Variants in PPHLN1 observed in about 807,000 individuals in gnomAD.
PPHLN1 encodes the protein periphilin-1.
In PPHLN1, 29 loss-of-function variants were observed where a neutral mutation model predicts 51.3. The observed-to-expected ratio is 0.57, with a 90% CI of 0.42 to 0.77. The LOEUF (loss-of-function observed/expected upper bound fraction) is 0.77, where lower values mean the gene tolerates loss of function less well. Among genes scored for constraint, PPHLN1 ranks in the 30% least tolerant of loss-of-function variants. The pLI is 0.00. For synonymous variants in PPHLN1, 147 were observed against 147.8 expected (o/e 0.99, Z 0.04); for missense variants, 436 against 438.4 (o/e 0.99, Z 0.05).
At position 42,367,071 on chromosome 12, in the gene PPHLN1, C is replaced by T. The variant is rs2075344237; in HGVS notation, c.300-7792C>T. On this transcript the variant is annotated intron_variant, in intron 4 of 9. Transcript: ENST00000358314. ...GCTTTTAATTCTTTCTCATTCTTCT[C>T]ATCACAATTAACTGTTGAACATAGT... Among the ~76,000 whole-genome samples the T allele has an allele frequency of 2.0e-5, 3 of 152,158 alleles. No individual in the cohort carries two copies. In the South Asian group the frequency reaches 6.2e-4, roughly 32 times the overall value.
chr12:42,359,980 C>T (rs1005382005), intron 4 of PPHLN1, among the ~76,000 whole-genome samples: 1 of 151,864 alleles, frequency 6.6e-6, no homozygotes, highest in African/African-American at 2.4e-5. Context: ...TGGTGGCAAA[C>T]ACCTGTAGTC....
At chr12:42,375,145 C>T (rs1380669262) in intron 5 of PPHLN1, 71 bp downstream of exon 5, 6 of 1,190,126 alleles carry the variant, frequency 5.0e-6, no homozygotes, top group Non-Finnish European at 7.1e-6. Flanking sequence ...GTCAGATTTC[C>T]TTCTAGGTGT....
rs1351410831 is a variant in PPHLN1 at position 42,348,301 on chromosome 12, T to TTTTTTTTA, written c.73-3584_73-3583insTTTTTTTA. On this transcript the variant is annotated intron_variant, in intron 2 of 9. Transcript: ENST00000358314. The stretch of plus-strand genomic sequence containing the variant: ...ATTTTTTTTTTTTTTTTTTTTTTTT[T>TTTTTTTTA]AGTAGAAACGGGGTTTCACCGTGTT... Among the ~76,000 whole-genome samples the TTTTTTTTA allele has an allele frequency of 2.8e-3, 368 of 131,366 alleles. 5 individuals carry two copies. Among genetic ancestry groups the TTTTTTTTA allele is most frequent in the African/African-American group, 3.9e-3 (137 of 35,240 alleles). 86.2% of individuals were successfully genotyped at this position (131,366 alleles called of 152,430 possible).
chr12:42,354,948 A>G (rs2073861970), intron 3 of PPHLN1, among the ~76,000 whole-genome samples: 1 of 151,708 alleles, frequency 6.6e-6, no homozygotes, highest in South Asian at 2.1e-4. Context: ...CAAAGAAATA[A>G]TTTAAGCATT....
intron 9 of PPHLN1, chr12:42,433,150 C>T: frequency 2.6e-6 from 2 of 772,544 alleles, no homozygotes; most frequent in East Asian, 4.9e-5. Flanking sequence ...GCAGTATATT[C>T]AATGACATAA....
intron 5 of PPHLN1, among the ~76,000 whole-genome samples, chr12:42,378,857 A>G (rs1054147547): frequency 2.0e-5 from 3 of 152,132 alleles, no homozygotes; most frequent in African/African-American, 7.2e-5. Flanking sequence ...ACTTGCAAGA[A>G]TATTCTTACT....
chr12:42,353,223 C>T (rs1415473481), intron 3 of PPHLN1, among the ~76,000 whole-genome samples: 2 of 152,124 alleles, frequency 1.3e-5, no homozygotes, highest in African/African-American at 2.4e-5. Flanking sequence ...GATGGAATTC[C>T]TCTGTCCTAC....
chr12:42,347,178 A>G (rs1292505520), intron 2 of PPHLN1: 1 of 152,214 alleles, frequency 6.6e-6, no homozygotes, highest in East Asian at 1.9e-4. Context: ...ATGCTTGCCT[A>G]GGTACAAGGC....
chr12:42,442,951 A>G (rs2083084018), downstream of PPHLN1: 1 of 674,888 alleles, frequency 1.5e-6, no homozygotes, highest in South Asian at 2.4e-5. Context: ...TCCCCAGAAG[A>G]AGGCACGCTG....
chr12:42,394,673 T>G (rs1366422971), intron 8 of PPHLN1, among the ~76,000 whole-genome samples: 1 of 152,088 alleles, frequency 6.6e-6, no homozygotes, highest in Non-Finnish European at 1.5e-5. Flanking sequence ...CAAGGTTTCC[T>G]CCTTATTGTA....
chr12:42,434,820 A>G (rs1400269194), intron 9 of PPHLN1, among the ~76,000 whole-genome samples: 1 of 152,162 alleles, frequency 6.6e-6, no homozygotes. Context: ...CACCCTCCCC[A>G]GTAGCTGGGA....
intron 2 of PPHLN1, among the ~76,000 whole-genome samples, chr12:42,337,087 A>G (rs1240921033): frequency 1.3e-5 from 2 of 152,006 alleles, no homozygotes; most frequent in South Asian, 2.1e-4. Context: ...GAATTTGTAG[A>G]CTTCATGTTT....
intron 5 of PPHLN1, 112 bp downstream of exon 5, chr12:42,375,186 GA>G: frequency 1.2e-6 from 1 of 867,102 alleles, no homozygotes; most frequent in East Asian, 2.8e-5. Flanking sequence ...TTTTTATTTT[GA>G]AAAATTTCAA....
At chr12:42,390,923 C>T (rs2077650629) in intron 7 of PPHLN1, among the ~76,000 whole-genome samples, 1 of 151,060 alleles carries the variant, frequency 6.6e-6, no homozygotes, top group African/African-American at 2.4e-5. Flanking sequence ...ACCTTGGCCT[C>T]CTAAAGTGCT....
Position 42,422,048 on chromosome 12 carries a change from T to C in PPHLN1, c.910-19267T>C, listed in dbSNP as rs557996134. On this transcript the variant is annotated intron_variant, in intron 9 of 9. Coordinates refer to ENST00000358314, the MANE Select transcript of PPHLN1 (RefSeq NM_201439.2). ...TGTGCTAGTGTTATGAGTGTAGAAATAGTAAGACCAGAAGTAAGAGTGCAC... is the reference window on the plus strand; with the variant it reads ...TGTGCTAGTGTTATGAGTGTAGAAACAGTAAGACCAGAAGTAAGAGTGCAC... Among the ~76,000 whole-genome samples, 6 of 152,238 alleles carry C rather than the reference T, an allele frequency of 3.9e-5. No individual in the cohort carries two copies. The East Asian group carries it at 1.2e-3, about 29-fold the overall frequency.
At chr12:42,336,711 T>C (rs2070718623) in intron 2 of PPHLN1, among the ~76,000 whole-genome samples, 1 of 152,210 alleles carries the variant, frequency 6.6e-6, no homozygotes, top group Non-Finnish European at 1.5e-5. Flanking sequence ...CTCCCCAGAA[T>C]TCCCTGTGGA....
chr12:42,432,987 C>CT (rs2082170837), intron 9 of PPHLN1: 1 of 1,441,062 alleles, frequency 6.9e-7, no homozygotes, highest in South Asian at 1.1e-5. Flanking sequence ...TTCTTAAAAT[C>CT]TTTATGTGCA....
intron 9 of PPHLN1, among the ~76,000 whole-genome samples, chr12:42,429,339 A>G (rs1280366801): frequency 6.6e-6 from 1 of 152,198 alleles, no homozygotes; most frequent in African/African-American, 2.4e-5. Context: ...TGTTTCTACC[A>G]TAAGTTATTT....
chr12:42,353,277 T>A (rs1370709942), intron 3 of PPHLN1, among the ~76,000 whole-genome samples: 1 of 152,200 alleles, frequency 6.6e-6, no homozygotes, highest in East Asian at 1.9e-4. Context: ...TTTTCCCACC[T>A]TTTCTCTTTT....
Sources: gnomAD v4.1 joint callset for allele counts (sites outside exome capture counted in the v4.1 genomes callset) on GRCh38, gnomAD v4.1.1 for gene constraint, MANE v1.5 for transcripts, NCBI Gene and HGNC (gene_info 2026-07-23, HGNC 2026-07-21) for gene names.